Variants in WNT8B observed in about 807,000 individuals in gnomAD.
WNT8B encodes the protein Wnt family member 8B, also known as protein Wnt-8b.
WNT8B carries 24 observed loss-of-function variants against 36.6 expected under a neutral mutation model. The observed-to-expected ratio is 0.66, with a 90% CI of 0.48 to 0.92. WNT8B has a LOEUF of 0.92. Ranked by LOEUF, WNT8B falls within the 40% of genes least tolerant of loss-of-function variation. The pLI is 0.00. For missense variants in WNT8B, 402 were observed against 470.8 expected, an observed-to-expected ratio of 0.85 and a Z score of 1.35; for synonymous variants, 199 against 189.8, an observed-to-expected ratio of 1.05 and a Z score of -0.40.
chr10:100,481,828 A>AC, intron 4 of WNT8B, 84 bp from the exon 5 acceptor site: 1 of 1,354,198 alleles, frequency 7.4e-7, no homozygotes, highest in Non-Finnish European at 1.0e-6. Context: ...GGACCCCCCC[A>AC]CCCCCAACCC....
At chr10:100,479,525 T>C (rs78823963) in intron 2 of WNT8B, among the ~76,000 whole-genome samples, 1,531 of 152,244 alleles carry the variant, frequency 0.01, 25 homozygotes, top group African/African-American at 0.034. Flanking sequence ...ATGAATTAGG[T>C]GATTTGGGCT....
rs1304481661 is a variant in WNT8B, at chr10:100,482,764, G to A, written c.1004G>A (p.Arg335His). 2 of 1,590,802 alleles carry A rather than the reference G, an allele frequency of 1.3e-6. No individual in the cohort carries two copies. Among genetic ancestry groups the A allele is most frequent in the East Asian group, 2.3e-5 (1 of 44,266 alleles). ...AGGGTCACCAAGTACTTCTGTAGCC[G>A]CGCAGAGCGGCCGCGGGGGGGCGCT... The part of the protein sequence containing the change: ...RRRVTKYFCS[R>H]AERPRGGAAH... The change falls in exon 6 of 6, where the codon CGC (arginine) becomes CAC (histidine). Residue 335 changes from arginine (R) to histidine (H), a missense_variant. Arg to His is a conservative substitution (Grantham distance 29). This residue lies in a region of WNT8B where 256 missense variants were observed against 278.6 expected (regional missense o/e 0.92). Coordinates refer to ENST00000343737, the MANE Select transcript of WNT8B (RefSeq NM_003393.4). This position sits in a 1 kb window ranked among gnomAD's most constrained non-coding sequence, Gnocchi z 6.6.
In WNT8B at chr10:100,483,293, C is replaced by T. The variant is rs1851144189; in HGVS notation, c.*477C>T. The T allele has an allele frequency of 6.4e-6, 1 of 155,060 alleles. No homozygotes were observed. The highest frequency in any genetic ancestry group is 1.4e-5 in the Non-Finnish European group (1 of 70,118). 9.6% of individuals were successfully genotyped at this position (155,060 alleles called of 1,614,324 possible). On this transcript the variant is annotated 3_prime_UTR_variant, in exon 6 of 6. Coordinates refer to ENST00000343737, the MANE Select transcript of WNT8B (RefSeq NM_003393.4). Reference sequence around the variant, plus strand: ...CCTGCTACCTGCTGAGCCAGATTCCCCAGGAATCTTGAATGCTTTCTCTCC... The same window carrying T: ...CCTGCTACCTGCTGAGCCAGATTCCTCAGGAATCTTGAATGCTTTCTCTCC...
intron 1 of WNT8B, among the ~76,000 whole-genome samples, chr10:100,474,459 T>TACAC (rs112564313): frequency 0.24 from 36,925 of 151,972 alleles, 4,667 homozygotes; most frequent in African/African-American, 0.31. Context: ...CTTCTCACAA[T>TACAC]ACTCACTATG....
At chr10:100,464,157 T>C (rs909627394) in intron 1 of WNT8B, among the ~76,000 whole-genome samples, 7 of 152,208 alleles carry the variant, frequency 4.6e-5, no homozygotes, top group African/African-American at 1.7e-4. Context: ...GAAATTTCTT[T>C]GCTGAGATAA....
chr10:100,467,061 C>G (rs771643268), intron 1 of WNT8B, among the ~76,000 whole-genome samples: 3 of 152,062 alleles, frequency 2.0e-5, no homozygotes, highest in Non-Finnish European at 4.4e-5. Context: ...ATAACATTCC[C>G]CATTGCCTCC....
In WNT8B at chr10:100,482,434, G is replaced by A. The variant is rs1774214323; in HGVS notation, c.674G>A (p.Gly225Asp). 4 of 1,606,092 alleles carry A rather than the reference G, an allele frequency of 2.5e-6. No homozygotes were observed. Among genetic ancestry groups the A allele is most frequent in the Admixed American group, 1.7e-5 (1 of 59,992 alleles). ...ALKVDLLQGA[G>D]NSAAGRGAIA... Reference sequence around the variant, plus strand: ...AAGGTGGACCTGCTGCAGGGTGCTGGCAACAGCGCGGCCGGCCGCGGCGCC... The same window carrying A: ...AAGGTGGACCTGCTGCAGGGTGCTGACAACAGCGCGGCCGGCCGCGGCGCC... Residue 225 changes from glycine to aspartate, a missense_variant, in exon 6 of 6, where the codon GGC (glycine) becomes GAC (aspartate). By Grantham distance (94) the Gly-to-Asp change is moderately conservative (BLOSUM62 -1). Transcript: ENST00000343737. This position sits in a 1 kb window ranked among gnomAD's most constrained non-coding sequence, Gnocchi z 6.6.
rs977243215 is a variant in WNT8B at position 100,463,029 on chromosome 10, T to A, written c.-140T>A. ...CAGCTCCATTTCACCTCCCCTTAAC[T>A]CTGTTTGGGATCGCTTACACACCAA... On this transcript the variant is annotated 5_prime_UTR_variant, in exon 1 of 6. Transcript: ENST00000343737. 7 of 692,656 alleles carry A rather than the reference T, an allele frequency of 1.0e-5. No homozygotes were observed. The highest frequency in any genetic ancestry group is 2.0e-5 in the South Asian group (1 of 49,398). The allele number at this position is 692,656 out of a possible 1,614,324, so 42.9% of individuals were successfully genotyped here.
intron 1 of WNT8B, 25 bp downstream of exon 1, chr10:100,463,261 G>A (rs1209848244): frequency 6.2e-7 from 1 of 1,603,052 alleles, no homozygotes; most frequent in South Asian, 1.1e-5. Flanking sequence ...CTCTTACCTG[G>A]AGCTGGGAAT....
chr10:100,473,534 C>A (rs914289428), intron 1 of WNT8B, among the ~76,000 whole-genome samples: 73 of 152,262 alleles, frequency 4.8e-4, no homozygotes, highest in African/African-American at 1.7e-3. Context: ...TCATTTATGG[C>A]CTTTTGTGTC....
In WNT8B at chr10:100,464,567, T is replaced by C. The variant is rs554672916; in HGVS notation, c.68+1331T>C. 2.6e-5 allele frequency among the ~76,000 whole-genome samples: 4 copies of C among 152,308 alleles called. No individual in the cohort carries two copies. The South Asian group carries it at 8.3e-4, about 32-fold the overall frequency. ...AAAAATACCTTTACTGTGTGTTCCCTTCCCTGCTGGAGGGGGTCATGTTCA... is the reference window on the plus strand; with the variant it reads ...AAAAATACCTTTACTGTGTGTTCCCCTCCCTGCTGGAGGGGGTCATGTTCA... On this transcript the variant is annotated intron_variant, in intron 1 of 5. Transcript: ENST00000343737.
At chr10:100,463,368 A>T in intron 1 of WNT8B, 132 bp downstream of exon 1, 1 of 767,800 alleles carries the variant, frequency 1.3e-6, no homozygotes, top group Non-Finnish European at 2.0e-6. Context: ...TCTATGGGGT[A>T]GGGCTCTTCC....
At chr10:100,481,262 C>T in intron 4 of WNT8B, 139 bp downstream of exon 4, 1 of 1,229,876 alleles carries the variant, frequency 8.1e-7, no homozygotes, top group South Asian at 1.7e-5. Flanking sequence ...GAGTTTGATC[C>T]CAAGCCCTAC....
At position 100,483,579 on chromosome 10, in the gene WNT8B, TAC is replaced by T. The variant is rs1181138875; in HGVS notation, c.*765_*766del. Reference sequence around the variant, plus strand: ...TCTAGGAAATACGTTAAGGGCAGATTACAGTCATTTCCTACCCTTTAAAGGTA... The same window carrying T: ...TCTAGGAAATACGTTAAGGGCAGATTAGTCATTTCCTACCCTTTAAAGGTA... On this transcript the variant is annotated 3_prime_UTR_variant, in exon 6 of 6. Coordinates refer to ENST00000343737, the MANE Select transcript of WNT8B (RefSeq NM_003393.4). The T allele has an allele frequency of 6.6e-6, 1 of 152,224 alleles. No homozygotes were observed. The highest frequency in any genetic ancestry group is 6.5e-5 in the Admixed American group (1 of 15,284). 9.4% of individuals were successfully genotyped at this position (152,224 alleles called of 1,614,324 possible). A position where few individuals can be genotyped will look rare whatever the true frequency, so the allele number is the denominator to read the frequency against.
At chr10:100,480,549 A>T (rs1851097002) in intron 3 of WNT8B, among the ~76,000 whole-genome samples, 1 of 152,166 alleles carries the variant, frequency 6.6e-6, no homozygotes, top group Non-Finnish European at 1.5e-5. Flanking sequence ...TAGCCTTCAG[A>T]TTCATCTCCC....
intron 1 of WNT8B, among the ~76,000 whole-genome samples, chr10:100,475,181 A>G (rs1394980623): frequency 1.3e-5 from 2 of 152,080 alleles, no homozygotes; most frequent in Non-Finnish European, 2.9e-5. Flanking sequence ...CGGAGGCTGC[A>G]GTGAGCCGAG....
At chr10:100,471,638 C>T (rs542331928) in intron 1 of WNT8B, among the ~76,000 whole-genome samples, 1 of 152,182 alleles carries the variant, frequency 6.6e-6, no homozygotes, top group Non-Finnish European at 1.5e-5. Flanking sequence ...AAGGGAAAAA[C>T]GGGCTGCAGA....
At chr10:100,471,257 T>C (rs938205311) in intron 1 of WNT8B, among the ~76,000 whole-genome samples, 2 of 152,230 alleles carry the variant, frequency 1.3e-5, no homozygotes, top group African/African-American at 4.8e-5. Flanking sequence ...TCTCAAAACA[T>C]ATCCCTGTCA....
In WNT8B at chr10:100,480,891, G is replaced by A; in HGVS notation, c.242-107G>A. 6 of 1,275,714 alleles carry A rather than the reference G, an allele frequency of 4.7e-6. No homozygotes were observed. In the East Asian group the frequency reaches 7.2e-5, roughly 15 times the overall value. 79.0% of individuals were successfully genotyped at this position (1,275,714 alleles called of 1,614,324 possible). A position where few individuals can be genotyped will look rare whatever the true frequency, so the allele number is the denominator to read the frequency against. Reference sequence around the variant, plus strand: ...AATAAAGATGGGGAAATAGGATGGAGCTAGGGAAAGAGGATATAATGATGG... The same window carrying A: ...AATAAAGATGGGGAAATAGGATGGAACTAGGGAAAGAGGATATAATGATGG... On this transcript the variant is annotated intron_variant, in intron 3 of 5. Coordinates refer to ENST00000343737, the MANE Select transcript of WNT8B (RefSeq NM_003393.4).
Sources: allele counts gnomAD v4.1 joint callset (sites outside exome capture counted in the v4.1 genomes callset), GRCh38; gene constraint gnomAD v4.1.1; regional missense constraint gnomAD v4.1.1; non-coding constraint Gnocchi (gnomAD v3.1); transcripts MANE v1.5; gene names NCBI Gene and HGNC (gene_info 2026-07-23, HGNC 2026-07-21).